The following CEP250 variants were observed in gnomAD, a reference collection of about 807,000 sequenced individuals.
CEP250 encodes the protein centrosomal protein 250.
In CEP250, 242 loss-of-function variants were observed where a neutral mutation model predicts 315.7. The ratio of observed to expected loss-of-function variants is 0.77; its 90% CI spans 0.69 to 0.85. The LOEUF (loss-of-function observed/expected upper bound fraction) is 0.85, where lower values mean the gene tolerates loss of function less well. Among genes scored for constraint, CEP250 ranks in the 40% least tolerant of loss-of-function variants. The pLI is 0.00. For synonymous variants in CEP250, 1,088 were observed against 1,175.0 expected (o/e 0.93, Z 1.51); for missense variants, 2,515 against 2,886.4 (o/e 0.87, Z 2.95).
At chr20:35,502,116 C>A in intron 29 of CEP250, 150 bp downstream of exon 29, 1 of 989,932 alleles carries the variant, frequency 1.0e-6, no homozygotes, top group Non-Finnish European at 1.5e-6. Flanking sequence ...ATTCAGGTTC[C>A]AATGAATCCT....
chr20:35,463,433 A>G (rs1372386909), intron 4 of CEP250, 142 bp from the exon 5 acceptor site: 2 of 528,404 alleles, frequency 3.8e-6, no homozygotes, highest in Non-Finnish European at 3.1e-6. Context: ...AATAGAAACT[A>G]TAAGATGTTA....
In CEP250 at chr20:35,490,760, C is replaced by T; in HGVS notation, c.2710C>T (p.Gln904Ter). 6.2e-7 allele frequency: 1 copy of T among 1,613,754 alleles called. No homozygotes were observed. The highest frequency in any genetic ancestry group is 8.5e-7 in the Non-Finnish European group (1 of 1,179,940). The change falls in exon 21 of 35, where the codon CAG becomes TAG. Residue 904 changes from glutamine to a stop codon, truncating the protein, a stop_gained. Coordinates refer to ENST00000397527, the MANE Select transcript of CEP250 (RefSeq NM_007186.6). LOFTEE classifies it high-confidence loss of function. ...QQTEMEAIQA[Q>*]REEERTQAES... ...GACAGAAATGGAGGCCATCCAGGCC[C>T]AGAGGGAAGAAGAACGGACCCAGGC...
Position 35,497,926 on chromosome 20 carries a change from C to T in CEP250, c.3514C>T (p.Pro1172Ser). Residue 1172 changes from proline (P) to serine (S), a missense_variant, in exon 26 of 35, where the codon CCC (proline) becomes TCC (serine). Pro to Ser is a moderately conservative substitution (Grantham distance 74). Transcript: ENST00000397527. ...QLEALAAEQQ[P>S]GNQAQAQAQL... ...AGAAGCGCTGGCCGCAGAGCAGCAG[C>T]CCGGGAACCAGGCCCAGGCCCAGGC... 1 of 1,611,436 alleles carries T rather than the reference C, an allele frequency of 6.2e-7. No homozygotes were observed. Among genetic ancestry groups the T allele is most frequent in the South Asian group, 1.1e-5 (1 of 90,586 alleles).
intron 1 of CEP250, among the ~76,000 whole-genome samples, chr20:35,456,123 G>C (rs2062618398): frequency 6.6e-6 from 1 of 152,144 alleles, no homozygotes; most frequent in African/African-American, 2.4e-5. Context: ...TCGAACTCCC[G>C]ACCTCAGGTG....
intron 1 of CEP250, among the ~76,000 whole-genome samples, chr20:35,456,068 T>C (rs2062615729): frequency 6.6e-6 from 1 of 151,780 alleles, no homozygotes; most frequent in Non-Finnish European, 1.5e-5. Context: ...GCTAATTTTA[T>C]GTTTTTAGTA....
chr20:35,501,414 C>T (rs2063998277), intron 28 of CEP250, among the ~76,000 whole-genome samples: 1 of 152,090 alleles, frequency 6.6e-6, no homozygotes, highest in African/African-American at 2.4e-5. Context: ...CTGAGAGCCA[C>T]AAAAATAATG....
At chr20:35,463,080 G>A (rs906837548) in intron 4 of CEP250, among the ~76,000 whole-genome samples, 7 of 152,196 alleles carry the variant, frequency 4.6e-5, no homozygotes, top group African/African-American at 1.7e-4. Flanking sequence ...TTGAGACAGA[G>A]TCTCGCTCAT....
Position 35,473,897 on chromosome 20 carries a change from G to A in CEP250, c.1416G>A (p.Arg472=), listed in dbSNP as rs780642468. The change falls in exon 14 of 35, where the codon AGG becomes AGA. Residue 472 remains arginine, a synonymous_variant. Transcript: ENST00000397527. ...SKERELLQKA[R]EELRQQLEVL... ...AGCGAGAGCTGCTGCAGAAGGCCAG[G>A]GAAGAGCTGCGGCAGCAGCTGGAGG... 8.0e-5 allele frequency: 129 copies of A among 1,613,150 alleles called. 1 individual carries two copies. In the East Asian group the frequency reaches 2.8e-3, roughly 35 times the overall value.
At chr20:35,507,668 T>G (rs1179371984) in intron 30 of CEP250, 70 bp from the exon 31 acceptor site, 2 of 1,165,524 alleles carry the variant, frequency 1.7e-6, no homozygotes, top group Non-Finnish European at 2.5e-6. Flanking sequence ...CCGCTGTTTG[T>G]GTGGAGGATG....
chr20:35,478,324 T>G (rs763388262), intron 17 of CEP250, among the ~76,000 whole-genome samples: 3 of 152,154 alleles, frequency 2.0e-5, no homozygotes, highest in African/African-American at 7.2e-5. Flanking sequence ...CCCAGCACTT[T>G]AGGAGGCCGA....
chr20:35,499,803 C>G (rs2063949789), intron 27 of CEP250, among the ~76,000 whole-genome samples: 1 of 152,174 alleles, frequency 6.6e-6, no homozygotes, highest in South Asian at 2.1e-4. Flanking sequence ...AGCAGGAGCT[C>G]TGTTTCAAAA....
chr20:35,475,773 G>C, intron 15 of CEP250, 127 bp downstream of exon 15: 2 of 1,035,940 alleles, frequency 1.9e-6, no homozygotes, highest in Non-Finnish European at 2.8e-6. Context: ...TCTGCTTCTG[G>C]GTTCTCTATT....
intron 9 of CEP250, among the ~76,000 whole-genome samples, chr20:35,468,052 C>T (rs373727411): frequency 6.7e-6 from 1 of 149,102 alleles, no homozygotes; most frequent in Non-Finnish European, 1.5e-5. Context: ...TCAAGTGACT[C>T]CCCTGCCTCA....
intron 5 of CEP250, among the ~76,000 whole-genome samples, chr20:35,464,027 C>T (rs1194875131): frequency 1.3e-5 from 2 of 152,272 alleles, no homozygotes; most frequent in Middle Eastern, 3.4e-3. Context: ...GTTCCAGCTG[C>T]CTCTCAGTAC....
rs753656149 is a variant in CEP250, at chr20:35,473,560, G to A, written c.1388+8G>A. 6.2e-7 allele frequency: 1 copy of A among 1,603,668 alleles called. No homozygotes were observed. The highest frequency in any genetic ancestry group is 8.5e-7 in the Non-Finnish European group (1 of 1,174,356). ...GGTGGACTCTCTCAGCAAGTGAGCA[G>A]ACGGGCTGTTCATCCCACCCTCCCA... On this transcript the variant is annotated splice_region_variant and intron_variant, in intron 13 of 34. Coordinates refer to ENST00000397527, the MANE Select transcript of CEP250 (RefSeq NM_007186.6).
In CEP250 at chr20:35,462,247, A is replaced by G. The variant is rs111597292; in HGVS notation, c.-103-18A>G. 54 of 696,456 alleles carry G rather than the reference A, an allele frequency of 7.8e-5. 2 individuals are homozygous for G. The highest frequency in any genetic ancestry group is 5.8e-4 in the African/African-American group (32 of 55,562). The allele number at this position is 696,456 out of a possible 1,614,324, so 43.1% of individuals were successfully genotyped here. On this transcript the variant is annotated intron_variant, in intron 3 of 34. Coordinates refer to ENST00000397527, the MANE Select transcript of CEP250 (RefSeq NM_007186.6). ...AAAGAACAGTCCTTTCCATTTGACTATGTGCTTTGGTCCCCAGTTCAAGAG... is the reference window on the plus strand; with the variant it reads ...AAAGAACAGTCCTTTCCATTTGACTGTGTGCTTTGGTCCCCAGTTCAAGAG...
chr20:35,472,172 C>A, intron 11 of CEP250, 21 bp downstream of exon 11: 2 of 1,436,198 alleles, frequency 1.4e-6, no homozygotes, highest in Non-Finnish European at 2.0e-6. Flanking sequence ...GCCTCCTGTT[C>A]ATGGTAACCA....
At chr20:35,500,246 C>T in intron 28 of CEP250, 77 bp downstream of exon 28, 1 of 1,533,432 alleles carries the variant, frequency 6.5e-7, no homozygotes, top group South Asian at 1.1e-5. Flanking sequence ...CAGGCACAGG[C>T]CTAGCAGCCA....
chr20:35,504,678 A>G lies in CEP250; in HGVS notation c.6309A>G (p.Leu2103=). 6.2e-7 allele frequency: 1 copy of G among 1,614,222 alleles called. No individual in the cohort carries two copies. Among genetic ancestry groups the G allele is most frequent in the Non-Finnish European group, 8.5e-7 (1 of 1,180,040 alleles). ...HQSVRELQLT[L]AQKEQEILEL... The stretch of plus-strand genomic sequence containing the variant: ...GTGTAAGGGAGCTACAGCTGACTCT[A>G]GCCCAAAAGGAACAGGAGATTCTGG... Residue 2103 remains leucine, a synonymous_variant, in exon 30 of 35, where the codon CTA becomes CTG. Coordinates refer to ENST00000397527, the MANE Select transcript of CEP250 (RefSeq NM_007186.6).
Sources: allele counts gnomAD v4.1 joint callset (sites outside exome capture counted in the v4.1 genomes callset), GRCh38; gene constraint gnomAD v4.1.1; transcripts MANE v1.5; gene names NCBI Gene and HGNC (gene_info 2026-07-23, HGNC 2026-07-21).